PABPC4L: variants seen among roughly 807,000 people sequenced by gnomAD.
PABPC4L encodes the protein poly(A) binding protein cytoplasmic 4 like.
For synonymous variants in PABPC4L, 169 were observed against 164.1 expected (o/e 1.03, Z -0.23); for missense variants, 452 against 451.4 (o/e 1.00, Z -0.01).
chr4:134,060,393 C>T, the PABPC4L span, among the ~76,000 whole-genome samples: 1 of 151,666 alleles, frequency 6.6e-6, no homozygotes, highest in South Asian at 2.1e-4. Context: ...GCCAACACTC[C>T]CTGAAACCTA....
chr4:134,187,016 T>C, the PABPC4L span, among the ~76,000 whole-genome samples: 19 of 151,968 alleles, frequency 1.3e-4, no homozygotes, highest in African/African-American at 4.6e-4. Flanking sequence ...CCAGTTAGAA[T>C]GGCAATCATT....
the PABPC4L span, among the ~76,000 whole-genome samples, chr4:134,099,991 A>T: frequency 6.6e-6 from 1 of 151,700 alleles, no homozygotes; most frequent in African/African-American, 2.4e-5. Flanking sequence ...CCCCATTTCT[A>T]TCTGGAAACA....
At chr4:134,092,995 T>A in the PABPC4L span, among the ~76,000 whole-genome samples, 1 of 152,096 alleles carries the variant, frequency 6.6e-6, no homozygotes, top group African/African-American at 2.4e-5. Context: ...TACTCATTTT[T>A]ATAGGTTTTT....
chr4:134,180,811 C>T, the PABPC4L span, among the ~76,000 whole-genome samples: 1 of 151,768 alleles, frequency 6.6e-6, no homozygotes, highest in Non-Finnish European at 1.5e-5. Flanking sequence ...AAACATACAG[C>T]CTCCCAAGTT....
chr4:134,195,996 T>A (rs1285892191), downstream of PABPC4L, among the ~76,000 whole-genome samples: 2 of 151,352 alleles, frequency 1.3e-5, no homozygotes, highest in African/African-American at 2.4e-5. Context: ...TATATATTTT[T>A]AAAATTATAT....
the PABPC4L span, among the ~76,000 whole-genome samples, chr4:134,153,357 G>A: frequency 3.3e-5 from 5 of 150,094 alleles, no homozygotes; most frequent in South Asian, 2.1e-4. Context: ...AAGTATGTGT[G>A]TATATATATA....
chr4:134,012,944 C>T, the PABPC4L span, among the ~76,000 whole-genome samples: 9 of 152,060 alleles, frequency 5.9e-5, no homozygotes, highest in South Asian at 4.2e-4. Context: ...ACTCTGGCGC[C>T]GGTCATGGAC....
At chr4:134,148,788 C>T in the PABPC4L span, among the ~76,000 whole-genome samples, 6 of 151,986 alleles carry the variant, frequency 3.9e-5, no homozygotes, top group African/African-American at 1.4e-4. Context: ...TTTTTGTGTG[C>T]TGTTTTAATG....
At chr4:134,082,572 A>C in the PABPC4L span, among the ~76,000 whole-genome samples, 1 of 152,122 alleles carries the variant, frequency 6.6e-6, no homozygotes, top group Non-Finnish European at 1.5e-5. Context: ...TAATTGAAAA[A>C]AGTTTATTAT....
At chr4:134,026,593 T>G in the PABPC4L span, among the ~76,000 whole-genome samples, 1 of 152,140 alleles carries the variant, frequency 6.6e-6, no homozygotes, top group East Asian at 1.9e-4. Flanking sequence ...GAATTAGGGG[T>G]AGCCCTATGT....
chr4:134,188,559 A>T, the PABPC4L span, among the ~76,000 whole-genome samples: 18 of 152,220 alleles, frequency 1.2e-4, no homozygotes, highest in African/African-American at 4.1e-4. Context: ...TTTGAAGAAT[A>T]ATCTTGCAGA....
chr4:134,020,840 A>G, the PABPC4L span, among the ~76,000 whole-genome samples: 1 of 152,118 alleles, frequency 6.6e-6, no homozygotes, highest in African/African-American at 2.4e-5. Context: ...ATAATCTCAT[A>G]ATATAGTTAT....
chr4:134,079,503 C>T, the PABPC4L span, among the ~76,000 whole-genome samples: 9 of 140,778 alleles, frequency 6.4e-5, no homozygotes, highest in Non-Finnish European at 1.5e-5. Flanking sequence ...GGCATGAACC[C>T]GGGAGGCAGA....
At position 134,200,997 on chromosome 4, in the gene PABPC4L, C is replaced by G. The variant is rs369585514; in HGVS notation, c.23G>C (p.Arg8Pro). The G allele has an allele frequency of 3.9e-6, 6 of 1,552,102 alleles. No individual in the cohort carries two copies. The highest frequency in any genetic ancestry group is 4.4e-6 in the Non-Finnish European group (5 of 1,147,178). ...GTCACCCACATACAGGGAGGCCATG[C>G]GGTACTTGGCTGCTACATTCATCTC... MNVAAKYRMASLYVGDLH... is the reference protein window; with the variant it reads MNVAAKYPMASLYVGDLH... Residue 8 changes from arginine to proline, a missense_variant, in exon 2 of 2, where the codon CGC (arginine) becomes CCC (proline). By Grantham distance (103) the Arg-to-Pro change is moderately radical (BLOSUM62 -2). Transcript: ENST00000421491.
At position 134,200,862 on chromosome 4, in the gene PABPC4L, T is replaced by C. The variant is rs1405310295; in HGVS notation, c.158A>G (p.Tyr53Cys). The change falls in exon 2 of 2, where the codon TAT becomes TGT. Residue 53 changes from tyrosine to cysteine, a missense_variant. Physicochemically the swap from Tyr to Cys is radical, Grantham distance 194. Transcript: ENST00000421491. ...RDQVTRRSLG[Y>C]AYVNFLQLAD... ...CAGCTGCAAGAAGTTCACGTAGGCATAGCCCAGAGAGCGGCGGGTGACCTG... is the reference window on the plus strand; with the variant it reads ...CAGCTGCAAGAAGTTCACGTAGGCACAGCCCAGAGAGCGGCGGGTGACCTG... 1 of 1,574,082 alleles carries C rather than the reference T, an allele frequency of 6.4e-7. No individual in the cohort carries two copies. Among genetic ancestry groups the C allele is most frequent in the Non-Finnish European group, 8.6e-7 (1 of 1,159,328 alleles).
At chr4:134,067,103 T>C in the PABPC4L span, among the ~76,000 whole-genome samples, 4 of 152,070 alleles carry the variant, frequency 2.6e-5, no homozygotes, top group Non-Finnish European at 4.4e-5. Context: ...ATAGTTTGAG[T>C]AGGAATGTTA....
chr4:134,106,646 T>C, the PABPC4L span, among the ~76,000 whole-genome samples: 5 of 151,452 alleles, frequency 3.3e-5, no homozygotes, highest in African/African-American at 1.2e-4. Flanking sequence ...ATAGCAGTAA[T>C]CAATAGAAAA....
chr4:134,184,466 C>A, the PABPC4L span, among the ~76,000 whole-genome samples: 1 of 152,016 alleles, frequency 6.6e-6, no homozygotes, highest in African/African-American at 2.4e-5. Flanking sequence ...TTACCTTTTC[C>A]AGAATGTCAT....
chr4:134,159,424 T>A, the PABPC4L span, among the ~76,000 whole-genome samples: 6 of 152,244 alleles, frequency 3.9e-5, no homozygotes, highest in East Asian at 3.9e-4. Flanking sequence ...AGGACAGTCT[T>A]ACATTGCCTA....
Sources: gnomAD v4.1 joint callset for allele counts (sites outside exome capture counted in the v4.1 genomes callset) on GRCh38, gnomAD v4.1.1 for gene constraint, MANE v1.5 for transcripts, NCBI Gene and HGNC (gene_info 2026-07-23, HGNC 2026-07-21) for gene names.